EPHA6: variants seen among roughly 807,000 people sequenced by gnomAD.
The protein encoded by EPHA6 is EPH receptor A6.
EPHA6 carries 50 observed loss-of-function variants against 112.0 expected under a neutral mutation model. That is an observed-to-expected ratio of 0.45 (90% CI 0.36 to 0.56). The LOEUF is 0.56. Among genes scored for constraint, EPHA6 ranks in the 20% least tolerant of loss-of-function variants. The pLI, the probability that EPHA6 is intolerant of heterozygous loss-of-function variation, is 0.00. For synonymous variants in EPHA6, 529 were observed against 490.7 expected, an observed-to-expected ratio of 1.08 and a Z score of -1.03; for missense variants, 1,280 against 1,417.4, an observed-to-expected ratio of 0.90 and a Z score of 1.56.
chr3:97,249,136 A>G (rs1397430879), intron 5 of EPHA6, among the ~76,000 whole-genome samples: 1 of 152,086 alleles, frequency 6.6e-6, no homozygotes, highest in Non-Finnish European at 1.5e-5. Context: ...TTTGTTTATT[A>G]AAACAGGCAA....
intron 2 of EPHA6, among the ~76,000 whole-genome samples, chr3:96,923,869 C>T (rs1173698791): frequency 1.3e-5 from 2 of 152,114 alleles, no homozygotes; most frequent in Non-Finnish European, 2.9e-5. Flanking sequence ...TCCCCCAATA[C>T]CATTTATTAA....
Position 97,613,188 on chromosome 3 carries a change from G to A in EPHA6, c.2574+2334G>A, listed in dbSNP as rs548352145. ...AAGCTCAAAGTGCTTTATAAACTTT[G>A]TGTTAATAGCAGATACTCAACTCCC... On this transcript the variant is annotated intron_variant, in intron 13 of 17. Coordinates refer to ENST00000389672, the MANE Select transcript of EPHA6 (RefSeq NM_001080448.3). Among the ~76,000 whole-genome samples, 6 of 152,026 alleles carry A rather than the reference G, an allele frequency of 3.9e-5. No individual in the cohort carries two copies. The East Asian group carries it at 7.7e-4, about 20-fold the overall frequency.
At chr3:97,652,380 C>T (rs1424159772) in intron 14 of EPHA6, among the ~76,000 whole-genome samples, 1 of 152,054 alleles carries the variant, frequency 6.6e-6, no homozygotes, top group Non-Finnish European at 1.5e-5. Flanking sequence ...CATTCAACCT[C>T]TCTTGTTATT....
intron 10 of EPHA6, among the ~76,000 whole-genome samples, chr3:97,521,867 T>C (rs890005643): frequency 2.0e-5 from 3 of 148,834 alleles, no homozygotes; most frequent in African/African-American, 5.0e-5. Context: ...ATGGTCAATA[T>C]GATCTGCAAA....
At chr3:97,612,539 A>C (rs1360829762) in intron 13 of EPHA6, 1 of 249,434 alleles carries the variant, frequency 4.0e-6, no homozygotes, top group African/African-American at 2.2e-5. Context: ...GAATCCATTA[A>C]ATGTTTTAAA....
At chr3:96,978,904 T>A (rs1055127647) in intron 2 of EPHA6, among the ~76,000 whole-genome samples, 1 of 152,316 alleles carries the variant, frequency 6.6e-6, no homozygotes, top group East Asian at 1.9e-4. Context: ...TAAGGAAATA[T>A]TATAATTTCA....
rs1278134092 is a variant in EPHA6, at chr3:97,012,279, A to T, written c.1114+24286A>T. 4.0e-5 allele frequency among the ~76,000 whole-genome samples: 6 copies of T among 151,484 alleles called. No individual in the cohort carries two copies. In the East Asian group the frequency reaches 9.7e-4, roughly 24 times the overall value. On this transcript the variant is annotated intron_variant, in intron 3 of 17. Transcript: ENST00000389672. ...ACTAATTTACATTCCCAAACAGTAT[A>T]TAAGTTTTCCCTTTTCTTTGCAGCC...
At chr3:97,354,676 G>A (rs1280779645) in intron 5 of EPHA6, among the ~76,000 whole-genome samples, 1 of 152,092 alleles carries the variant, frequency 6.6e-6, no homozygotes, top group East Asian at 1.9e-4. Context: ...AGAGAGATCG[G>A]GGTAGAAAGT....
intron 3 of EPHA6, among the ~76,000 whole-genome samples, chr3:97,091,803 T>C: frequency 6.6e-6 from 1 of 152,184 alleles, no homozygotes; most frequent in East Asian, 1.9e-4. Flanking sequence ...TGAAGATGAC[T>C]CTCAGTCTGG....
intron 3 of EPHA6, among the ~76,000 whole-genome samples, chr3:97,035,079 G>A (rs1255370078): frequency 4.6e-5 from 7 of 151,806 alleles, no homozygotes; most frequent in African/African-American, 1.7e-4. Context: ...TCTCAATTAA[G>A]ATTTTTTAGA....
chr3:97,164,591 C>T (rs1388340599), intron 3 of EPHA6, among the ~76,000 whole-genome samples: 3 of 151,912 alleles, frequency 2.0e-5, no homozygotes, highest in South Asian at 4.1e-4. Flanking sequence ...ATACTGAGTA[C>T]TTCAGTATTA....
intron 7 of EPHA6, among the ~76,000 whole-genome samples, chr3:97,474,349 A>C (rs2091310604): frequency 6.6e-6 from 1 of 151,942 alleles, no homozygotes; most frequent in African/African-American, 2.4e-5. Context: ...AACAAGTTTA[A>C]TTTAAGTTAA....
intron 3 of EPHA6, among the ~76,000 whole-genome samples, chr3:97,211,123 A>C (rs1242878598): frequency 6.6e-6 from 1 of 152,212 alleles, no homozygotes; most frequent in Non-Finnish European, 1.5e-5. Context: ...AAGCACACTG[A>C]TTTCAAGAGA....
chr3:97,320,772 G>C (rs1032567594), intron 5 of EPHA6, among the ~76,000 whole-genome samples: 1 of 145,024 alleles, frequency 6.9e-6, no homozygotes, highest in Admixed American at 7.4e-5. Context: ...TTCTGACCTT[G>C]ATGGGGCAGC....
intron 5 of EPHA6, among the ~76,000 whole-genome samples, chr3:97,332,273 T>C (rs2082839141): frequency 6.6e-6 from 1 of 152,060 alleles, no homozygotes; most frequent in Non-Finnish European, 1.5e-5. Context: ...TAATAAGAGC[T>C]ATCTATGACA....
intron 2 of EPHA6, among the ~76,000 whole-genome samples, chr3:96,889,164 T>C (rs1160034457): frequency 6.6e-6 from 1 of 152,172 alleles, no homozygotes; most frequent in Non-Finnish European, 1.5e-5. Flanking sequence ...CTGTCAACAT[T>C]TTGGACAAAG....
intron 1 of EPHA6, among the ~76,000 whole-genome samples, chr3:96,844,752 A>G (rs918452229): frequency 6.6e-6 from 1 of 151,966 alleles, no homozygotes; most frequent in African/African-American, 2.4e-5. Context: ...AGAATTAGAG[A>G]AAAATATATG....
chr3:96,910,639 C>T (rs2039169885), intron 2 of EPHA6, among the ~76,000 whole-genome samples: 1 of 152,002 alleles, frequency 6.6e-6, no homozygotes, highest in Admixed American at 6.6e-5. Context: ...ACTTGTTCTT[C>T]TCTTTTCTTT....
intron 3 of EPHA6, among the ~76,000 whole-genome samples, chr3:97,059,672 G>C (rs190366859): frequency 1.3e-5 from 2 of 148,738 alleles, no homozygotes; most frequent in Non-Finnish European, 1.5e-5. Flanking sequence ...TTTTATTCCT[G>C]ATCAATTTAG....
Sources: gnomAD v4.1 joint callset for allele counts (sites outside exome capture counted in the v4.1 genomes callset) on GRCh38, gnomAD v4.1.1 for gene constraint, MANE v1.5 for transcripts, NCBI Gene and HGNC (gene_info 2026-07-23, HGNC 2026-07-21) for gene names.